FMNL2: variants seen among roughly 807,000 people sequenced by gnomAD.
The protein encoded by FMNL2 is formin like 2, also known as formin-like protein 2.
A neutral mutation model predicts 130.2 loss-of-function variants in FMNL2; 51 were observed. The observed-to-expected ratio is 0.39, with a 90% confidence interval of 0.31 to 0.49. The LOEUF is 0.49. Ranked by LOEUF, FMNL2 falls within the 20% of genes least tolerant of loss-of-function variation. The pLI is 0.85. For missense variants in FMNL2, 977 were observed against 1,316.2 expected, an observed-to-expected ratio of 0.74 and a Z score of 3.99; for synonymous variants, 465 against 467.1, an observed-to-expected ratio of 1.00 and a Z score of 0.06.
rs772662268 is a variant in FMNL2, at chr2:152,335,639, C to T, written c.36C>T (p.Thr12=). 6.3e-7 allele frequency: 1 copy of T among 1,593,628 alleles called. No homozygotes were observed. Among genetic ancestry groups the T allele is most frequent in the Non-Finnish European group, 8.5e-7 (1 of 1,169,954 alleles). The change falls in exon 1 of 26, where the codon ACC becomes ACT. Residue 12 remains threonine, a synonymous_variant. Coordinates refer to ENST00000288670, the MANE Select transcript of FMNL2 (RefSeq NM_052905.4). ...CAGGGAGCATGGATTCGCAGCAGAC[C>T]GATTTCAGGGCGCACAACGTGCCTT... ...GNAGSMDSQQ[T]DFRAHNVPLK...
In FMNL2 at chr2:152,394,625, C is replaced by CT. The variant is rs969060217; in HGVS notation, c.117+58918dup. Among the ~76,000 whole-genome samples the CT allele has an allele frequency of 9.2e-3, 1,209 of 132,068 alleles. 10 individuals are homozygous for CT. Among genetic ancestry groups the CT allele is most frequent in the African/African-American group, 0.027 (977 of 35,680 alleles). 86.6% of individuals were successfully genotyped at this position (132,068 alleles called of 152,430 possible). A position where few individuals can be genotyped will look rare whatever the true frequency, so the allele number is the denominator to read the frequency against. ...TTGTTCTCTGAAAAAAAAATTTTGA[C>CT]TTTTTTTTTTTTTAATGAAGAATGA... On this transcript the variant is annotated intron_variant, in intron 1 of 25. Transcript: ENST00000288670.
intron 2 of FMNL2, among the ~76,000 whole-genome samples, chr2:152,528,501 T>A (rs1693519375): frequency 6.6e-6 from 1 of 152,210 alleles, no homozygotes; most frequent in Non-Finnish European, 1.5e-5. Flanking sequence ...ATCCAATCTC[T>A]GCCTCCATCC....
intron 1 of FMNL2, among the ~76,000 whole-genome samples, chr2:152,507,511 A>C (rs1000597497): frequency 6.6e-6 from 1 of 152,210 alleles, no homozygotes; most frequent in South Asian, 2.1e-4. Flanking sequence ...AGCTTCTTCT[A>C]TCAGGCTCCT....
At chr2:152,590,891 T>C (rs1697393926) in intron 9 of FMNL2, among the ~76,000 whole-genome samples, 1 of 151,684 alleles carries the variant, frequency 6.6e-6, no homozygotes, top group African/African-American at 2.4e-5. Context: ...TGTGTGTTTA[T>C]TTCTGTTGCT....
At chr2:152,493,655 G>C (rs948946059) in intron 1 of FMNL2, among the ~76,000 whole-genome samples, 4 of 152,138 alleles carry the variant, frequency 2.6e-5, no homozygotes, top group Non-Finnish European at 5.9e-5. Flanking sequence ...TGTTAAAAGA[G>C]CCTGGCACCT....
chr2:152,341,930 T>C (rs1484575380), intron 1 of FMNL2, among the ~76,000 whole-genome samples: 2 of 152,174 alleles, frequency 1.3e-5, no homozygotes, highest in African/African-American at 4.8e-5. Flanking sequence ...TGGAAGGCCC[T>C]TTGCAGCCCA....
intron 2 of FMNL2, among the ~76,000 whole-genome samples, chr2:152,529,544 A>G (rs1373008497): frequency 6.6e-6 from 1 of 152,120 alleles, no homozygotes; most frequent in East Asian, 1.9e-4. Flanking sequence ...TTCCTTTAAG[A>G]CTCACTCCAG....
chr2:152,418,284 T>G (rs973471106), intron 1 of FMNL2, among the ~76,000 whole-genome samples: 1 of 148,384 alleles, frequency 6.7e-6, no homozygotes, highest in Non-Finnish European at 1.5e-5. Context: ...TTTTTATTTT[T>G]TGCTGTGGTA....
chr2:152,569,015 T>C (rs1388624857), intron 6 of FMNL2, among the ~76,000 whole-genome samples: 1 of 152,188 alleles, frequency 6.6e-6, no homozygotes, highest in East Asian at 1.9e-4. Context: ...TACTTACGTT[T>C]ACCACCATTG....
At chr2:152,645,403 T>C (rs1447370963) in intron 25 of FMNL2, 2 of 1,226,154 alleles carry the variant, frequency 1.6e-6, no homozygotes, top group East Asian at 1.1e-4. Flanking sequence ...TTCTTAACCA[T>C]CATTTTGTGT....
chr2:152,484,757 G>A (rs948460159), intron 1 of FMNL2, among the ~76,000 whole-genome samples: 2 of 152,086 alleles, frequency 1.3e-5, no homozygotes, highest in African/African-American at 4.8e-5. Flanking sequence ...GTGAGACCCT[G>A]TCTCTAAAAC....
chr2:152,645,302 G>T (rs1683453516), intron 25 of FMNL2: 1 of 410,316 alleles, frequency 2.4e-6, no homozygotes, highest in East Asian at 7.1e-5. Context: ...ATTTCTTGTA[G>T]TAATGGCTTC....
chr2:152,612,312 G>T (rs1218789829), intron 11 of FMNL2, among the ~76,000 whole-genome samples: 1 of 152,148 alleles, frequency 6.6e-6, no homozygotes, highest in Non-Finnish European at 1.5e-5. Flanking sequence ...TTGAGCCTAG[G>T]AGTTCAAGAC....
chr2:152,616,801 C>T (rs969312847), intron 12 of FMNL2, among the ~76,000 whole-genome samples: 2 of 152,162 alleles, frequency 1.3e-5, no homozygotes, highest in Non-Finnish European at 2.9e-5. Flanking sequence ...TCCTTACTTT[C>T]CTCTACCCTT....
chr2:152,341,706 G>C (rs1024979573), intron 1 of FMNL2, among the ~76,000 whole-genome samples: 4 of 152,180 alleles, frequency 2.6e-5, no homozygotes, highest in Non-Finnish European at 5.9e-5. Flanking sequence ...AATACATTGT[G>C]ATTCATTAGT....
chr2:152,392,485 G>A (rs73967855), intron 1 of FMNL2, among the ~76,000 whole-genome samples: 18,849 of 152,098 alleles, frequency 0.12, 1,351 homozygotes, highest in East Asian at 0.19. Flanking sequence ...ATTTCTCACC[G>A]TTCTGGAGGT....
At chr2:152,616,269 G>A (rs954655779) in intron 12 of FMNL2, among the ~76,000 whole-genome samples, 1 of 150,126 alleles carries the variant, frequency 6.7e-6, no homozygotes, top group Non-Finnish European at 1.5e-5. Flanking sequence ...TTTTGTAGCA[G>A]CAATCTATTT....
In FMNL2 at chr2:152,632,121, G is replaced by C; in HGVS notation, c.2664G>C (p.Val888=). The change falls in exon 21 of 26, where the codon GTG becomes GTC. Residue 888 remains valine (V), a synonymous_variant. Coordinates refer to ENST00000288670, the MANE Select transcript of FMNL2 (RefSeq NM_052905.4). ...VSLFYNELHY[V]EKAAAVSLEN... Reference sequence around the variant, plus strand: ...TGTTTTATAATGAGCTTCATTATGTGGAAAAAGCTGCTGCAGGTACTTGAT... The same window carrying C: ...TGTTTTATAATGAGCTTCATTATGTCGAAAAAGCTGCTGCAGGTACTTGAT... 1 of 1,610,302 alleles carries C rather than the reference G, an allele frequency of 6.2e-7. No homozygotes were observed. Among genetic ancestry groups the C allele is most frequent in the Non-Finnish European group, 8.5e-7 (1 of 1,178,436 alleles).
intron 25 of FMNL2, among the ~76,000 whole-genome samples, chr2:152,646,224 T>C (rs1187330935): frequency 6.6e-6 from 1 of 151,384 alleles, no homozygotes; most frequent in African/African-American, 2.4e-5. Context: ...CCCAGCTACC[T>C]GGGACGCTGA....
Sources: allele counts gnomAD v4.1 joint callset (sites outside exome capture counted in the v4.1 genomes callset), GRCh38; gene constraint gnomAD v4.1.1; transcripts MANE v1.5; gene names NCBI Gene and HGNC (gene_info 2026-07-23, HGNC 2026-07-21).